Variants in ARHGAP20 observed in about 807,000 individuals in gnomAD.
ARHGAP20 encodes the protein Rho GTPase activating protein 20.
In ARHGAP20, 34 loss-of-function variants were observed where a neutral mutation model predicts 73.7. The observed-to-expected ratio is 0.46, with a 90% CI of 0.35 to 0.61. The LOEUF (loss-of-function observed/expected upper bound fraction) is 0.61. Among genes scored for constraint, ARHGAP20 ranks in the 20% least tolerant of loss-of-function variants. The pLI is 0.00. For missense variants in ARHGAP20, 1,314 were observed against 1,420.9 expected, an observed-to-expected ratio of 0.92 and a Z score of 1.21; for synonymous variants, 523 against 518.2, an observed-to-expected ratio of 1.01 and a Z score of -0.13.
rs552739154 is a variant in ARHGAP20, at chr11:110,693,825, T to C, written c.106-3196A>G. ...AGGACAGGCTTACGTTATGCTTATC[T>C]TAGCACAAACAAATTTCACAGTTGT... On this transcript the variant is annotated intron_variant, in intron 1 of 14. Transcript: ENST00000683387. Among the ~76,000 whole-genome samples the C allele has an allele frequency of 3.9e-5, 6 of 151,994 alleles. No individual in the cohort carries two copies. The East Asian group carries it at 1.2e-3, about 29-fold the overall frequency.
chr11:110,621,639 T>C (rs536184969), intron 4 of ARHGAP20, among the ~76,000 whole-genome samples: 44 of 152,326 alleles, frequency 2.9e-4, no homozygotes, highest in Admixed American at 1.2e-3. Context: ...TGCTGATATT[T>C]CCTATCTTTT....
At chr11:110,593,941 T>C (rs982071549) in intron 9 of ARHGAP20, among the ~76,000 whole-genome samples, 3 of 152,246 alleles carry the variant, frequency 2.0e-5, no homozygotes, top group African/African-American at 7.2e-5. Flanking sequence ...CATTGTTCCT[T>C]ATGACACCAA....
At chr11:110,668,459 G>A (rs763792640) in intron 2 of ARHGAP20, among the ~76,000 whole-genome samples, 5 of 152,016 alleles carry the variant, frequency 3.3e-5, no homozygotes, top group Non-Finnish European at 7.4e-5. Context: ...AACTAGGCTG[G>A]GCAACATGGC....
chr11:110,687,716 T>C (rs1340153889), intron 2 of ARHGAP20, among the ~76,000 whole-genome samples: 1 of 152,094 alleles, frequency 6.6e-6, no homozygotes, highest in Non-Finnish European at 1.5e-5. Context: ...AAGTTGAAAA[T>C]AATAAAACAC....
At chr11:110,667,143 A>G (rs1450720448) in intron 2 of ARHGAP20, among the ~76,000 whole-genome samples, 2 of 152,252 alleles carry the variant, frequency 1.3e-5, no homozygotes, top group Non-Finnish European at 1.5e-5. Context: ...GAAAATGGCT[A>G]CACTAAACAA....
At chr11:110,586,510 G>A (rs932431674) in intron 11 of ARHGAP20, among the ~76,000 whole-genome samples, 185 bp from the exon 12 acceptor site, 2 of 152,118 alleles carry the variant, frequency 1.3e-5, no homozygotes, top group Non-Finnish European at 2.9e-5. Context: ...TTTTCTTATA[G>A]CAAAGATCAT....
In ARHGAP20 at chr11:110,696,663, T is replaced by G. The variant is rs192677999; in HGVS notation, c.106-6034A>C. Among the ~76,000 whole-genome samples, 18 of 151,748 alleles carry G rather than the reference T, an allele frequency of 1.2e-4. No homozygotes were observed. In the East Asian group the frequency reaches 3.5e-3, roughly 29 times the overall value. ...GGTGAGGATTGGGCTTCTAGCATATTCATTACCCAAATAGTGAACATTGTA... is the reference window on the plus strand; with the variant it reads ...GGTGAGGATTGGGCTTCTAGCATATGCATTACCCAAATAGTGAACATTGTA... On this transcript the variant is annotated intron_variant, in intron 1 of 14. Coordinates refer to ENST00000683387, the MANE Select transcript of ARHGAP20 (RefSeq NM_001384657.1).
intron 2 of ARHGAP20, among the ~76,000 whole-genome samples, chr11:110,645,395 T>G (rs1328306932): frequency 6.6e-6 from 1 of 152,210 alleles, no homozygotes; most frequent in South Asian, 2.1e-4. Flanking sequence ...GTCAGAGACA[T>G]GCAAATCAAA....
chr11:110,695,844 T>A (rs1056168987), intron 1 of ARHGAP20, among the ~76,000 whole-genome samples: 3 of 151,482 alleles, frequency 2.0e-5, no homozygotes, highest in African/African-American at 7.3e-5. Context: ...TAAAAACATA[T>A]GTCCTCAAAA....
At chr11:110,680,047 A>C (rs1950008919) in intron 2 of ARHGAP20, among the ~76,000 whole-genome samples, 1 of 152,188 alleles carries the variant, frequency 6.6e-6, no homozygotes, top group African/African-American at 2.4e-5. Flanking sequence ...AACACTCGGC[A>C]AATTAGACAT....
intron 1 of ARHGAP20, among the ~76,000 whole-genome samples, chr11:110,691,356 A>G (rs1950238857): frequency 6.6e-6 from 1 of 152,016 alleles, no homozygotes; most frequent in Non-Finnish European, 1.5e-5. Context: ...GATGAGTAAA[A>G]TTAACCATAT....
At chr11:110,639,453 A>G (rs1949036699) in intron 2 of ARHGAP20, among the ~76,000 whole-genome samples, 1 of 151,918 alleles carries the variant, frequency 6.6e-6, no homozygotes, top group Non-Finnish European at 1.5e-5. Context: ...GTTACCATTT[A>G]AAAATGCATA....
At chr11:110,590,157 T>C (rs892008616) in intron 11 of ARHGAP20, among the ~76,000 whole-genome samples, 1 of 151,906 alleles carries the variant, frequency 6.6e-6, no homozygotes, top group Non-Finnish European at 1.5e-5. Context: ...ATGATGATTA[T>C]GAAAATAAAT....
intron 1 of ARHGAP20, 25 bp from the exon 2 acceptor site, chr11:110,690,654 A>C: frequency 6.2e-7 from 1 of 1,604,034 alleles, no homozygotes; most frequent in East Asian, 2.2e-5. Flanking sequence ...AACCAAAATG[A>C]AGACCACATG....
At chr11:110,700,233 AG>A (rs1257748436) in intron 1 of ARHGAP20, among the ~76,000 whole-genome samples, 1 of 151,998 alleles carries the variant, frequency 6.6e-6, no homozygotes, top group East Asian at 1.9e-4. Flanking sequence ...TCACTTTATG[AG>A]GAAAAAAAAT....
At chr11:110,619,503 TAGTGATAGGGTATATGC>T (rs1565442000) in intron 4 of ARHGAP20, among the ~76,000 whole-genome samples, 6 of 149,220 alleles carry the variant, frequency 4.0e-5, no homozygotes, top group African/African-American at 7.4e-5. Flanking sequence ...AGAGTATATG[TAGTGATAGGGTATATGC>T]AGTGATAGGG....
intron 13 of ARHGAP20, 121 bp from the exon 14 acceptor site, chr11:110,582,556 G>A (rs1947502170): frequency 3.2e-6 from 2 of 630,946 alleles, no homozygotes; most frequent in African/African-American, 1.9e-5. Flanking sequence ...ATTCATATCG[G>A]CTTTAAAAGT....
chr11:110,615,500 T>C, intron 5 of ARHGAP20, 53 bp downstream of exon 5: 1 of 1,527,466 alleles, frequency 6.5e-7, no homozygotes, highest in Non-Finnish European at 9.0e-7. Flanking sequence ...AGAAAAGGTC[T>C]TAATTCATTT....
chr11:110,580,081 A>G lies in ARHGAP20; in HGVS notation c.2865T>C (p.Ser955=). The G allele has an allele frequency of 1.2e-6, 2 of 1,614,192 alleles. No individual in the cohort carries two copies. Among genetic ancestry groups the G allele is most frequent in the Non-Finnish European group, 1.7e-6 (2 of 1,180,040 alleles). The change falls in exon 15 of 15, where the codon AGT becomes AGC. Residue 955 remains serine (S), a synonymous_variant. Transcript: ENST00000683387. The part of the protein sequence containing the change: ...PSGSSVSSQD[S]AFSQISEHSV... ...AGTGTTCAGAAATCTGAGAAAAAGC[A>G]CTGTCTTGGGAGCTTACTGATGAGC...
Sources: gnomAD v4.1 joint callset for allele counts (sites outside exome capture counted in the v4.1 genomes callset) on GRCh38, gnomAD v4.1.1 for gene constraint, MANE v1.5 for transcripts, NCBI Gene and HGNC (gene_info 2026-07-23, HGNC 2026-07-21) for gene names.